Variants in TXNDC11 observed in about 807,000 individuals in gnomAD.
TXNDC11 encodes the protein thioredoxin domain containing 11.
In TXNDC11, 68 loss-of-function variants were observed where a neutral mutation model predicts 78.0. The observed-to-expected ratio is 0.87, with a 90% CI of 0.72 to 1.07. TXNDC11 has a LOEUF of 1.07. TXNDC11 is among the 50% of genes least tolerant of loss of function. TXNDC11 has a pLI of 0.00. For synonymous variants in TXNDC11, 571 were observed against 495.2 expected, an observed-to-expected ratio of 1.15 and a Z score of -2.03; for missense variants, 1,389 against 1,221.8, an observed-to-expected ratio of 1.14 and a Z score of -2.04.
chr16:11,693,101 T>C (rs768213824), intron 7 of TXNDC11, among the ~76,000 whole-genome samples: 10 of 152,168 alleles, frequency 6.6e-5, no homozygotes, highest in South Asian at 2.1e-4. Context: ...AGAAGCCACA[T>C]TGGATTTATC....
At position 11,708,951 on chromosome 16, in the gene TXNDC11, T is replaced by C. The variant is rs1054560874; in HGVS notation, c.794-8387A>G. Among the ~76,000 whole-genome samples, 3 of 152,244 alleles carry C rather than the reference T, an allele frequency of 2.0e-5. 1 individual carries two copies. The South Asian group carries it at 6.2e-4, about 31-fold the overall frequency. ...TCTAATTTTAATATTTACATAGTGA[T>C]TCACTTTTCAAGTTCTTCATAACCA... On this transcript the variant is annotated intron_variant, in intron 5 of 11. Coordinates refer to ENST00000283033, the MANE Select transcript of TXNDC11 (RefSeq NM_015914.7).
intron 5 of TXNDC11, among the ~76,000 whole-genome samples, chr16:11,704,253 C>A (rs568457795): frequency 6.6e-6 from 1 of 152,106 alleles, no homozygotes; most frequent in East Asian, 1.9e-4. Context: ...ACCCATGACT[C>A]CATAATAATA....
At chr16:11,718,281 T>A (rs1010144545) in intron 5 of TXNDC11, among the ~76,000 whole-genome samples, 2 of 151,360 alleles carry the variant, frequency 1.3e-5, no homozygotes, top group South Asian at 4.2e-4. Context: ...TAAAAAAAAA[T>A]CATTAAGGCA....
chr16:11,699,391 T>G (rs1021306006), intron 6 of TXNDC11, among the ~76,000 whole-genome samples: 1 of 152,166 alleles, frequency 6.6e-6, no homozygotes, highest in Non-Finnish European at 1.5e-5. Context: ...AAATGACAGA[T>G]AGCAAAAGCA....
chr16:11,735,543 G>T (rs538602755), intron 2 of TXNDC11, among the ~76,000 whole-genome samples: 2 of 152,288 alleles, frequency 1.3e-5, no homozygotes, highest in East Asian at 3.9e-4. Context: ...CATAACAGGT[G>T]ACTTATTTGC....
rs771370976 is a variant in TXNDC11, at chr16:11,736,065, G to T, written c.423C>A (p.Ile141=). The T allele has an allele frequency of 6.2e-7, 1 of 1,614,008 alleles. No individual in the cohort carries two copies. The highest frequency in any genetic ancestry group is 8.5e-7 in the Non-Finnish European group (1 of 1,180,040). The change falls in exon 2 of 12, where the codon ATC becomes ATA. Residue 141 remains isoleucine (I), a synonymous_variant. Transcript: ENST00000283033. ...FFYAPWCGQS[I]AARAEIEQAA... ...CTTGCTCAATTTCTGCCCTGGCAGC[G>T]ATGGACTGTCCACACCAAGGGGCAT...
In TXNDC11 at chr16:11,736,072, T is replaced by C; in HGVS notation, c.416A>G (p.Gln139Arg). The change falls in exon 2 of 12, where the codon CAG becomes CGG. Residue 139 changes from glutamine (Q) to arginine (R), a missense_variant. By Grantham distance (43) the Gln-to-Arg change is conservative. Coordinates refer to ENST00000283033, the MANE Select transcript of TXNDC11 (RefSeq NM_015914.7). ...AATTTCTGCCCTGGCAGCGATGGAC[T>C]GTCCACACCAAGGGGCATAGAAGAA... ...LLFFYAPWCG[Q>R]SIAARAEIEQ... The C allele has an allele frequency of 6.2e-7, 1 of 1,614,188 alleles. No individual in the cohort carries two copies. The highest frequency in any genetic ancestry group is 8.5e-7 in the Non-Finnish European group (1 of 1,180,040).
At chr16:11,713,878 C>G (rs1597460415) in intron 5 of TXNDC11, among the ~76,000 whole-genome samples, 1 of 152,072 alleles carries the variant, frequency 6.6e-6, no homozygotes, top group Non-Finnish European at 1.5e-5. Context: ...GAACCCATGC[C>G]ATTTGCCGAG....
chr16:11,697,709 G>A (rs2141025166), intron 7 of TXNDC11, among the ~76,000 whole-genome samples: 1 of 152,304 alleles, frequency 6.6e-6, no homozygotes, highest in South Asian at 2.1e-4. Context: ...GCCAGGGCTG[G>A]CAGTCTGGCC....
intron 5 of TXNDC11, among the ~76,000 whole-genome samples, chr16:11,707,857 A>C (rs964267471): frequency 6.6e-6 from 1 of 152,018 alleles, no homozygotes; most frequent in African/African-American, 2.4e-5. Context: ...CTGAGGCAGG[A>C]GGATCACTTG....
At position 11,692,006 on chromosome 16, in the gene TXNDC11, C is replaced by G. The variant is rs745928850; in HGVS notation, c.1184G>C (p.Arg395Pro). 1.3e-6 allele frequency: 2 copies of G among 1,573,938 alleles called. No individual in the cohort carries two copies. The highest frequency in any genetic ancestry group is 4.5e-5 in the East Asian group (2 of 44,504). Residue 395 changes from arginine (R) to proline (P), a missense_variant, in exon 8 of 12, where the codon CGG becomes CCG. Arg to Pro is a moderately radical substitution (Grantham distance 103). Transcript: ENST00000283033. Reference protein sequence around the residue: ...VVERLLQHLRRVDAPVLESLA... With the variant: ...VVERLLQHLRPVDAPVLESLA... ...GGACTCCAGCACTGGAGCATCCACC[C>G]GCCGCAGGTGCTGAAGGAGACGCTC... is the stretch of plus-strand genomic sequence containing the variant.
chr16:11,723,691 T>C (rs542209096), intron 4 of TXNDC11, among the ~76,000 whole-genome samples: 3 of 152,310 alleles, frequency 2.0e-5, no homozygotes, highest in South Asian at 4.1e-4. Context: ...TATGACAATG[T>C]TGGGTACCAG....
chr16:11,730,619 G>A (rs2052016731), intron 4 of TXNDC11, 26 bp downstream of exon 4: 1 of 1,610,590 alleles, frequency 6.2e-7, no homozygotes, highest in Non-Finnish European at 8.5e-7. Context: ...CTTGAGTATG[G>A]AGGAGGAGAT....
rs2052448322 is a variant in TXNDC11, at chr16:11,742,743, G to C, written c.-13C>G. Reference sequence around the variant, plus strand: ...CGCATTCCGACATTACATGCTCCCAGTCGCCGGCTTTATACCGCCGCCGCC... The same window carrying C: ...CGCATTCCGACATTACATGCTCCCACTCGCCGGCTTTATACCGCCGCCGCC... On this transcript the variant is annotated 5_prime_UTR_variant, in exon 1 of 12. Transcript: ENST00000283033. 4 of 1,461,406 alleles carry C rather than the reference G, an allele frequency of 2.7e-6. No homozygotes were observed. The highest frequency in any genetic ancestry group is 2.9e-5 in the African/African-American group (2 of 67,820). 90.5% of individuals were successfully genotyped at this position (1,461,406 alleles called of 1,614,324 possible).
chr16:11,688,639 A>G, intron 8 of TXNDC11, 194 bp from the exon 9 acceptor site: 1 of 503,108 alleles, frequency 2.0e-6, no homozygotes, highest in Non-Finnish European at 3.5e-6. Context: ...TTAACTCAGC[A>G]GACAGTAATG....
intron 6 of TXNDC11, among the ~76,000 whole-genome samples, chr16:11,698,637 T>C (rs962129465): frequency 2.0e-5 from 3 of 152,260 alleles, no homozygotes; most frequent in African/African-American, 4.8e-5. Context: ...TCTATCACCC[T>C]GTCCAAGGAC....
At chr16:11,687,752 A>G (rs1477758685) in intron 10 of TXNDC11, 105 bp downstream of exon 10, 14 of 761,484 alleles carry the variant, frequency 1.8e-5, no homozygotes, top group Non-Finnish European at 2.3e-6. Flanking sequence ...GTCCTACCAA[A>G]GGTTAATGGA....
At chr16:11,716,987 A>T (rs1439253151) in intron 5 of TXNDC11, among the ~76,000 whole-genome samples, 1 of 152,168 alleles carries the variant, frequency 6.6e-6, no homozygotes, top group Non-Finnish European at 1.5e-5. Context: ...TAAATGAGAG[A>T]GGGAAAAATC....
In TXNDC11 at chr16:11,691,509, C is replaced by T; in HGVS notation, c.1681G>A (p.Glu561Lys). 1 of 1,614,180 alleles carries T rather than the reference C, an allele frequency of 6.2e-7. No homozygotes were observed. Among genetic ancestry groups the T allele is most frequent in the Non-Finnish European group, 8.5e-7 (1 of 1,180,010 alleles). Residue 561 changes from glutamate to lysine, a missense_variant, in exon 8 of 12, where the codon GAA becomes AAA. By Grantham distance (56) the Glu-to-Lys change is moderately conservative (BLOSUM62 1). Coordinates refer to ENST00000283033, the MANE Select transcript of TXNDC11 (RefSeq NM_015914.7). ...AAGTTTGTGCTAGTCATGTCCACTT[C>T]TGGAAAGAGATACCTGTTCTCCTCA... is the stretch of plus-strand genomic sequence containing the variant. ...HIEENRYLFPEVDMTSTNFTG... is the reference protein window; with the variant it reads ...HIEENRYLFPKVDMTSTNFTG...
Sources: gnomAD v4.1 joint callset for allele counts (sites outside exome capture counted in the v4.1 genomes callset) on GRCh38, gnomAD v4.1.1 for gene constraint, MANE v1.5 for transcripts, NCBI Gene and HGNC (gene_info 2026-07-23, HGNC 2026-07-21) for gene names.